PTPRD: variants seen among roughly 807,000 people sequenced by gnomAD.
The protein encoded by PTPRD is protein tyrosine phosphatase receptor type D.
A neutral mutation model predicts 214.5 loss-of-function variants in PTPRD; 34 were observed. That is an observed-to-expected ratio of 0.16 (90% confidence interval 0.12 to 0.21). The LOEUF (loss-of-function observed/expected upper bound fraction) is 0.21, where lower values mean the gene tolerates loss of function less well. PTPRD is among the 10% of genes least tolerant of loss of function. PTPRD has a pLI of 1.00. For missense variants in PTPRD, 2,545 were observed against 2,398.7 expected (o/e 1.06, Z -1.27); for synonymous variants, 1,128 against 845.7 (o/e 1.33, Z -5.79).
At chr9:8,684,721 A>G (rs1474917737) in intron 12 of PTPRD, among the ~76,000 whole-genome samples, 1 of 152,202 alleles carries the variant, frequency 6.6e-6, no homozygotes, top group Non-Finnish European at 1.5e-5. Context: ...GAAGACACCT[A>G]TTTAGAACAA....
At chr9:10,572,767 G>C (rs1033200755) in intron 2 of PTPRD, among the ~76,000 whole-genome samples, 1 of 152,068 alleles carries the variant, frequency 6.6e-6, no homozygotes, top group Non-Finnish European at 1.5e-5. Context: ...ATGCTAAATA[G>C]CTTTTACTAA....
chr9:10,544,319 A>G (rs954913893), intron 2 of PTPRD, among the ~76,000 whole-genome samples: 1 of 152,192 alleles, frequency 6.6e-6, no homozygotes, highest in African/African-American at 2.4e-5. Flanking sequence ...AGAGGTTTAT[A>G]TAAATGAGAA....
intron 2 of PTPRD, among the ~76,000 whole-genome samples, chr9:10,403,599 GC>G (rs1226466998): frequency 6.6e-6 from 1 of 151,404 alleles, no homozygotes; most frequent in African/African-American, 2.4e-5. Context: ...ATGGGCTCCA[GC>G]AAGTGAGCTC....
At chr9:10,164,062 C>G (rs917231937) in intron 3 of PTPRD, among the ~76,000 whole-genome samples, 1 of 151,354 alleles carries the variant, frequency 6.6e-6, no homozygotes, top group African/African-American at 2.4e-5. Flanking sequence ...AGAATATCAT[C>G]ACTATTCTTT....
chr9:8,592,265 C>G (rs983507773), intron 14 of PTPRD, among the ~76,000 whole-genome samples: 3 of 152,090 alleles, frequency 2.0e-5, no homozygotes. Context: ...CAAAGTACAC[C>G]CCCAAATTCA....
chr9:10,412,066 G>T (rs945551641), intron 2 of PTPRD, among the ~76,000 whole-genome samples: 1 of 151,732 alleles, frequency 6.6e-6, no homozygotes, highest in African/African-American at 2.4e-5. Context: ...TCCATTTCAT[G>T]ATAAATTCTA....
intron 8 of PTPRD, among the ~76,000 whole-genome samples, chr9:9,492,112 C>G (rs1031019436): frequency 1.3e-5 from 2 of 151,714 alleles, no homozygotes; most frequent in Admixed American, 6.6e-5. Context: ...ATACTATGAG[C>G]AACTGTATGC....
At chr9:9,754,366 G>A (rs979069382) in intron 6 of PTPRD, among the ~76,000 whole-genome samples, 1 of 151,992 alleles carries the variant, frequency 6.6e-6, no homozygotes, top group African/African-American at 2.4e-5. Flanking sequence ...GGGATTTGTT[G>A]AGAAAACTAC....
At chr9:10,113,296 A>G (rs912882513) in intron 3 of PTPRD, among the ~76,000 whole-genome samples, 5 of 152,308 alleles carry the variant, frequency 3.3e-5, no homozygotes, top group African/African-American at 1.2e-4. Flanking sequence ...CATTTTACAA[A>G]TGGGGAAACT....
intron 3 of PTPRD, among the ~76,000 whole-genome samples, chr9:10,164,751 T>A (rs2099148887): frequency 6.6e-6 from 1 of 151,536 alleles, no homozygotes; most frequent in African/African-American, 2.4e-5. Flanking sequence ...CACACATACA[T>A]CCAGGTTTGA....
intron 11 of PTPRD, among the ~76,000 whole-genome samples, chr9:8,739,333 G>T (rs747661673): frequency 6.6e-6 from 1 of 152,216 alleles, no homozygotes; most frequent in Non-Finnish European, 1.5e-5. Context: ...ATATTTTAAC[G>T]TGGTATAAAA....
At chr9:10,272,726 G>A (rs947354841) in intron 3 of PTPRD, among the ~76,000 whole-genome samples, 19 of 152,130 alleles carry the variant, frequency 1.2e-4, no homozygotes, top group Non-Finnish European at 2.8e-4. Context: ...ATTTTCATTT[G>A]AGAACCTGTT....
intron 12 of PTPRD, among the ~76,000 whole-genome samples, chr9:8,693,341 T>C (rs1002145976): frequency 6.6e-6 from 1 of 152,214 alleles, no homozygotes; most frequent in African/African-American, 2.4e-5. Flanking sequence ...TTTCCTCTCA[T>C]GACAAACATA....
chr9:10,106,224 T>C (rs2098631021), intron 3 of PTPRD, among the ~76,000 whole-genome samples: 1 of 151,840 alleles, frequency 6.6e-6, no homozygotes, highest in Non-Finnish European at 1.5e-5. Flanking sequence ...TTGATTCCTA[T>C]TTTTCTATTC....
intron 11 of PTPRD, among the ~76,000 whole-genome samples, chr9:8,839,218 C>G (rs1203397487): frequency 6.6e-6 from 1 of 152,042 alleles, no homozygotes; most frequent in Non-Finnish European, 1.5e-5. Flanking sequence ...TAAAGAAATT[C>G]ATATTAAACC....
chr9:9,340,371 T>C (rs2046305049), intron 9 of PTPRD, among the ~76,000 whole-genome samples: 1 of 152,158 alleles, frequency 6.6e-6, no homozygotes, highest in Non-Finnish European at 1.5e-5. Context: ...TAGAAGAGGG[T>C]TATGTTATTT....
intron 3 of PTPRD, among the ~76,000 whole-genome samples, chr9:10,237,795 C>T (rs1444406647): frequency 1.3e-5 from 2 of 151,912 alleles, no homozygotes; most frequent in African/African-American, 2.4e-5. Context: ...AACATAGCAT[C>T]ACCATCATTA....
chr9:9,763,946 A>G (rs1365230775), intron 6 of PTPRD, among the ~76,000 whole-genome samples: 2 of 151,964 alleles, frequency 1.3e-5, no homozygotes, highest in South Asian at 4.2e-4. Flanking sequence ...CCAATTCCTC[A>G]TTTTTTAAAA....
At chr9:9,590,943 T>G (rs968703026) in intron 7 of PTPRD, among the ~76,000 whole-genome samples, 1 of 152,040 alleles carries the variant, frequency 6.6e-6, no homozygotes, top group African/African-American at 2.4e-5. Context: ...CTTTATGTAA[T>G]GAAACACAAA....
Sources: allele counts gnomAD v4.1 joint callset (sites outside exome capture counted in the v4.1 genomes callset), GRCh38; gene constraint gnomAD v4.1.1; transcripts MANE v1.5; gene names NCBI Gene and HGNC (gene_info 2026-07-23, HGNC 2026-07-21).